Variants in DLG2 observed in about 807,000 individuals in gnomAD.
DLG2 encodes discs large MAGUK scaffold protein 2.
DLG2 carries 45 observed loss-of-function variants against 132.5 expected under a neutral mutation model. The observed-to-expected ratio is 0.34, with a 90% CI of 0.27 to 0.44. The LOEUF (loss-of-function observed/expected upper bound fraction) is 0.44, where lower values mean the gene tolerates loss of function less well. Ranked by LOEUF, DLG2 falls within the 20% of genes least tolerant of loss-of-function variation. DLG2 has a pLI of 1.00. For missense variants in DLG2, 1,045 were observed against 1,196.9 expected, an observed-to-expected ratio of 0.87 and a Z score of 1.87; for synonymous variants, 424 against 419.6, an observed-to-expected ratio of 1.01 and a Z score of -0.13.
At chr11:83,648,928 A>T (rs1439866315) in intron 18 of DLG2, among the ~76,000 whole-genome samples, 1 of 152,208 alleles carries the variant, frequency 6.6e-6, no homozygotes, top group Non-Finnish European at 1.5e-5. Context: ...GCAGCTTCTC[A>T]AGGCCAAAGA....
intron 7 of DLG2, among the ~76,000 whole-genome samples, chr11:84,303,592 T>G (rs901463356): frequency 2.6e-5 from 4 of 152,178 alleles, no homozygotes; most frequent in African/African-American, 9.7e-5. Context: ...GATCAAAATT[T>G]TTGTCCGATT....
intron 6 of DLG2, among the ~76,000 whole-genome samples, chr11:84,841,361 G>C (rs987751231): frequency 2.0e-5 from 3 of 151,958 alleles, no homozygotes; most frequent in African/African-American, 7.2e-5. Flanking sequence ...TGTGTTTGAA[G>C]TATATGCATG....
At chr11:85,197,233 T>A (rs189130448) in intron 4 of DLG2, among the ~76,000 whole-genome samples, 2 of 152,328 alleles carry the variant, frequency 1.3e-5, no homozygotes, top group East Asian at 3.9e-4. Flanking sequence ...TATGTCTGTG[T>A]TACATTGTGA....
chr11:84,931,287 T>C (rs1174090213), intron 6 of DLG2, among the ~76,000 whole-genome samples: 1 of 152,174 alleles, frequency 6.6e-6, no homozygotes, highest in African/African-American at 2.4e-5. Context: ...TTAGTTACTT[T>C]TCCTGATCCT....
intron 21 of DLG2, among the ~76,000 whole-genome samples, chr11:83,498,095 TG>T (rs1293181680): frequency 6.6e-6 from 1 of 152,144 alleles, no homozygotes; most frequent in African/African-American, 2.4e-5. Flanking sequence ...TATACTTTTC[TG>T]TATAATTTTA....
At chr11:83,996,355 C>A (rs375478942) in intron 11 of DLG2, among the ~76,000 whole-genome samples, 1 of 152,050 alleles carries the variant, frequency 6.6e-6, no homozygotes, top group Non-Finnish European at 1.5e-5. Context: ...AAAAAGGTAA[C>A]CCTTGTACAC....
intron 6 of DLG2, among the ~76,000 whole-genome samples, chr11:84,851,726 T>C (rs760045154): frequency 1.3e-5 from 2 of 152,008 alleles, no homozygotes; most frequent in South Asian, 2.1e-4. Context: ...CACACACATA[T>C]ATATTTTTTA....
intron 6 of DLG2, among the ~76,000 whole-genome samples, chr11:84,779,753 A>C (rs1051230609): frequency 3.3e-5 from 5 of 152,176 alleles, no homozygotes; most frequent in African/African-American, 9.6e-5. Context: ...GAACAACTAC[A>C]TGCTCATAAA....
intron 18 of DLG2, among the ~76,000 whole-genome samples, chr11:83,777,937 A>T (rs2094652267): frequency 6.6e-6 from 1 of 152,218 alleles, no homozygotes; most frequent in African/African-American, 2.4e-5. Context: ...CACCTTAATT[A>T]ACAAACAATG....
intron 13 of DLG2, among the ~76,000 whole-genome samples, chr11:83,964,588 T>A (rs1339850652): frequency 1.3e-5 from 2 of 152,014 alleles, no homozygotes; most frequent in East Asian, 3.8e-4. Context: ...GACACAACTA[T>A]CCCTTACATT....
intron 6 of DLG2, among the ~76,000 whole-genome samples, chr11:84,626,917 G>A: frequency 7.6e-6 from 1 of 131,454 alleles, no homozygotes; most frequent in African/African-American, 2.8e-5. Context: ...TGTCACCCAG[G>A]CTGGAGTGCA....
chr11:84,731,582 T>C (rs17147525), intron 6 of DLG2, among the ~76,000 whole-genome samples: 3,897 of 151,864 alleles, frequency 0.026, 173 homozygotes, highest in African/African-American at 0.09. Flanking sequence ...ACAAAGAATA[T>C]GTGGTACCAG....
intron 2 of DLG2, among the ~76,000 whole-genome samples, chr11:85,626,382 T>C (rs990644511): frequency 1.3e-5 from 2 of 152,244 alleles, no homozygotes; most frequent in Non-Finnish European, 2.9e-5. Context: ...CAACCTGATT[T>C]ATGAAATCAT....
intron 18 of DLG2, among the ~76,000 whole-genome samples, chr11:83,647,253 G>T (rs1179684624): frequency 1.3e-5 from 2 of 151,536 alleles, no homozygotes. Context: ...AGTGAAGGGA[G>T]GAGTGGGGCT....
At chr11:83,768,765 C>T (rs7109609) in intron 18 of DLG2, among the ~76,000 whole-genome samples, 45,281 of 152,048 alleles carry the variant, frequency 0.3, 9,003 homozygotes, top group African/African-American at 0.57. Context: ...GAACTTCGCC[C>T]ATACTAGTTA....
intron 6 of DLG2, among the ~76,000 whole-genome samples, chr11:84,711,117 G>A (rs901693418): frequency 1.7e-4 from 26 of 150,800 alleles, no homozygotes; most frequent in African/African-American, 5.8e-4. Context: ...AGTATAATCT[G>A]TGACTTACAA....
At chr11:83,840,738 T>C (rs1595239659) in intron 16 of DLG2, among the ~76,000 whole-genome samples, 1 of 152,240 alleles carries the variant, frequency 6.6e-6, no homozygotes, top group African/African-American at 2.4e-5. Flanking sequence ...ATGTCTGTTA[T>C]GCATCCAGCT....
chr11:83,801,031 C>T (rs1283574264), intron 17 of DLG2, among the ~76,000 whole-genome samples: 1 of 152,132 alleles, frequency 6.6e-6, no homozygotes, highest in Non-Finnish European at 1.5e-5. Flanking sequence ...CAAAATCAAA[C>T]TCAAAATTTC....
At chr11:85,001,415 A>T (rs2058199530) in intron 6 of DLG2, among the ~76,000 whole-genome samples, 1 of 152,170 alleles carries the variant, frequency 6.6e-6, no homozygotes, top group Non-Finnish European at 1.5e-5. Context: ...TTGAGACATG[A>T]TGAGAATGAG....
Sources: gnomAD v4.1 joint callset for allele counts (sites outside exome capture counted in the v4.1 genomes callset) on GRCh38, gnomAD v4.1.1 for gene constraint, MANE v1.5 for transcripts, NCBI Gene and HGNC (gene_info 2026-07-23, HGNC 2026-07-21) for gene names.